The following BCO1 variants were observed in gnomAD, a reference collection of about 807,000 sequenced individuals.
The protein encoded by BCO1 is beta,beta-carotene 15,15'-dioxygenase.
A neutral mutation model predicts 56.3 loss-of-function variants in BCO1; 54 were observed. The ratio of observed to expected loss-of-function variants is 0.96; its 90% CI spans 0.77 to 1.20. BCO1 has a LOEUF of 1.20. BCO1 is among the 50% of genes most tolerant of loss of function. The probability of loss-of-function intolerance (pLI) is 0.00; values close to 1 mark genes in which losing one functional copy is unlikely to be tolerated. For synonymous variants in BCO1, 318 were observed against 266.1 expected (o/e 1.20, Z -1.90); for missense variants, 801 against 690.9 (o/e 1.16, Z -1.79).
chr16:81,256,190 C>G (rs1197246748), intron 2 of BCO1, among the ~76,000 whole-genome samples: 2 of 151,462 alleles, frequency 1.3e-5, no homozygotes, highest in Non-Finnish European at 2.9e-5. Context: ...GAGTATGAAA[C>G]CAGATAACAC....
chr16:81,250,518 G>A (rs1328622926), intron 2 of BCO1, among the ~76,000 whole-genome samples: 1 of 151,080 alleles, frequency 6.6e-6, no homozygotes, highest in Non-Finnish European at 1.5e-5. Flanking sequence ...TCCCTGATAA[G>A]CTGAAAACAA....
chr16:81,277,807 A>C (rs569524845), intron 7 of BCO1, among the ~76,000 whole-genome samples: 1 of 152,304 alleles, frequency 6.6e-6, no homozygotes, highest in African/African-American at 2.4e-5. Context: ...CACTGAAAGC[A>C]GCCAAGTCAT....
intron 8 of BCO1, among the ~76,000 whole-genome samples, chr16:81,284,021 T>C (rs1399076189): frequency 1.3e-5 from 2 of 148,564 alleles, no homozygotes; most frequent in Admixed American, 1.3e-4. Flanking sequence ...CTGTCTCTAC[T>C]GAAAATACAA....
chr16:81,261,810 C>G (rs1567705609), intron 3 of BCO1: 1 of 346,744 alleles, frequency 2.9e-6, no homozygotes, highest in South Asian at 2.3e-5. Flanking sequence ...GGCGCCATCT[C>G]GGTTCACTGC....
intron 4 of BCO1, chr16:81,263,656 A>G (rs953798664): frequency 6.6e-6 from 1 of 152,210 alleles, no homozygotes; most frequent in Non-Finnish European, 1.5e-5. Flanking sequence ...CAGCAATCCT[A>G]CCTTCTATTG....
At chr16:81,284,988 C>T (rs779119109) in intron 8 of BCO1, among the ~76,000 whole-genome samples, 63 of 151,810 alleles carry the variant, frequency 4.1e-4, no homozygotes, top group Non-Finnish European at 7.7e-4. Context: ...AGGCATGCGG[C>T]ACCATGCCTG....
intron 7 of BCO1, among the ~76,000 whole-genome samples, chr16:81,278,065 A>C (rs1597371856): frequency 6.6e-6 from 1 of 151,926 alleles, no homozygotes; most frequent in African/African-American, 2.4e-5. Context: ...TTTTTGAGAC[A>C]GAGTCTCGCT....
intron 8 of BCO1, among the ~76,000 whole-genome samples, chr16:81,283,976 G>A (rs1908022679): frequency 6.6e-6 from 1 of 151,586 alleles, no homozygotes; most frequent in Non-Finnish European, 1.5e-5. Context: ...ATGAGGTCAG[G>A]AGATCGAGAC....
intron 8 of BCO1, among the ~76,000 whole-genome samples, chr16:81,283,630 G>C (rs1333909435): frequency 6.6e-6 from 1 of 151,552 alleles, no homozygotes; most frequent in Non-Finnish European, 1.5e-5. Context: ...CCTTCATCTG[G>C]GCCTGTCCCT....
At chr16:81,262,526 T>C (rs146636149) in intron 4 of BCO1, 1 of 496,082 alleles carries the variant, frequency 2.0e-6, no homozygotes, top group Non-Finnish European at 3.7e-6. Flanking sequence ...CAAAAAAGAT[T>C]GCTTTAAACA....
At chr16:81,248,192 A>T (rs1905540408) in intron 2 of BCO1, among the ~76,000 whole-genome samples, 1 of 151,878 alleles carries the variant, frequency 6.6e-6, no homozygotes, top group African/African-American at 2.4e-5. Flanking sequence ...ACCTGAGATC[A>T]GGAGTTCGAG....
Position 81,268,131 on chromosome 16 carries a change from G to A in BCO1, c.843G>A (p.Lys281=). The A allele has an allele frequency of 1.2e-6, 2 of 1,606,616 alleles. No individual in the cohort carries two copies. The highest frequency in any genetic ancestry group is 1.7e-6 in the Non-Finnish European group (2 of 1,179,790). ...ASCLAFHREE[K]TYIHIIDQRT... ...GCCTGGCTTTCCACAGGGAGGAGAA[G>A]GTGAGGTCTGGCTGGACTCTAGCCC... Residue 281 remains lysine, a splice_region_variant and synonymous_variant, in exon 6 of 11, where the codon AAG becomes AAA. Coordinates refer to ENST00000258168, the MANE Select transcript of BCO1 (RefSeq NM_017429.3).
At chr16:81,251,995 G>A (rs1226039610) in intron 2 of BCO1, among the ~76,000 whole-genome samples, 1 of 151,902 alleles carries the variant, frequency 6.6e-6, no homozygotes, top group Non-Finnish European at 1.5e-5. Flanking sequence ...CCTTCAGAAG[G>A]AATGTGGCTA....
At chr16:81,279,932 T>TC (rs1401826734) in intron 7 of BCO1, among the ~76,000 whole-genome samples, 3 of 151,898 alleles carry the variant, frequency 2.0e-5, no homozygotes, top group African/African-American at 7.3e-5. Context: ...GAAATTAAAG[T>TC]CCCCCCAATC....
chr16:81,280,992 G>C (rs750289517), intron 8 of BCO1, 30 bp downstream of exon 8: 1 of 1,539,270 alleles, frequency 6.5e-7, no homozygotes, highest in Admixed American at 1.7e-5. Context: ...CCTGAGTTTA[G>C]GAAAGGGGCA....
rs754324224 is a variant in BCO1, at chr16:81,245,509, C to G, written c.99C>G (p.Leu33=). 5.0e-6 allele frequency: 8 copies of G among 1,613,654 alleles called. No homozygotes were observed. Among genetic ancestry groups the G allele is most frequent in the Non-Finnish European group, 6.8e-6 (8 of 1,179,708 alleles). The change falls in exon 2 of 11, where the codon CTC becomes CTG. Residue 33 remains leucine (L), a synonymous_variant. Transcript: ENST00000258168. ...KIPAWLQGTL[L]RNGPGMHTVG... is the part of the protein sequence containing the mutation. ...CAGCATGGCTGCAGGGAACCCTGCT[C>G]CGCAATGGGCCTGGGATGCACACAG...
At chr16:81,280,001 G>T (rs944035103) in intron 7 of BCO1, among the ~76,000 whole-genome samples, 1 of 151,882 alleles carries the variant, frequency 6.6e-6, no homozygotes, top group Non-Finnish European at 1.5e-5. Flanking sequence ...GGTGGCTCAC[G>T]CCTGTAATCC....
chr16:81,276,620 C>G (rs1907573263), intron 7 of BCO1, among the ~76,000 whole-genome samples: 1 of 152,226 alleles, frequency 6.6e-6, no homozygotes, highest in Admixed American at 6.5e-5. Flanking sequence ...GTTCTCAATT[C>G]ACAGTCATCC....
rs756798589 is a variant in BCO1 at position 81,268,139 on chromosome 16, C to G, written c.843+8C>G. 2 of 1,604,310 alleles carry G rather than the reference C, an allele frequency of 1.2e-6. No individual in the cohort carries two copies. The highest frequency in any genetic ancestry group is 2.7e-5 in the African/African-American group (2 of 74,886). ...TTCCACAGGGAGGAGAAGGTGAGGT[C>G]TGGCTGGACTCTAGCCCAGTGGGTG... is the stretch of plus-strand genomic sequence containing the variant. On this transcript the variant is annotated splice_region_variant and intron_variant, in intron 6 of 10. Coordinates refer to ENST00000258168, the MANE Select transcript of BCO1 (RefSeq NM_017429.3).
Sources: allele counts gnomAD v4.1 joint callset (sites outside exome capture counted in the v4.1 genomes callset), GRCh38; gene constraint gnomAD v4.1.1; transcripts MANE v1.5; gene names NCBI Gene and HGNC (gene_info 2026-07-23, HGNC 2026-07-21).